The following FOXP1 variants were observed in gnomAD, a reference collection of about 807,000 sequenced individuals.
The protein encoded by FOXP1 is forkhead box protein P1.
Under a neutral mutation model 98.2 loss-of-function variants are expected in FOXP1, and 15 were observed. The observed-to-expected ratio is 0.15, with a 90% CI of 0.10 to 0.24. The LOEUF is 0.24. Ranked by LOEUF, FOXP1 falls within the 10% of genes least tolerant of loss-of-function variation. The pLI is 1.00. For missense variants in FOXP1, 633 were observed against 848.5 expected (o/e 0.75, Z 3.15); for synonymous variants, 371 against 314.5 (o/e 1.18, Z -1.90).
At chr3:71,048,898 C>A (rs140627011) in intron 9 of FOXP1, among the ~76,000 whole-genome samples, 71 of 151,908 alleles carry the variant, frequency 4.7e-4, no homozygotes, top group African/African-American at 1.7e-3. Flanking sequence ...ATGACTGATG[C>A]CTTTTCTGTT....
intron 3 of FOXP1, among the ~76,000 whole-genome samples, chr3:71,481,426 G>A (rs561186202): frequency 6.6e-6 from 1 of 152,030 alleles, no homozygotes; most frequent in Admixed American, 6.5e-5. Context: ...CATATCAAAG[G>A]TTCTACATCT....
intron 5 of FOXP1, among the ~76,000 whole-genome samples, chr3:71,229,266 A>G (rs2066092043): frequency 6.6e-6 from 1 of 152,202 alleles, no homozygotes; most frequent in African/African-American, 2.4e-5. Flanking sequence ...ATTAATTACT[A>G]GTAAGTGTAC....
chr3:71,430,691 A>G (rs2084629082), intron 3 of FOXP1, among the ~76,000 whole-genome samples: 1 of 152,214 alleles, frequency 6.6e-6, no homozygotes, highest in Non-Finnish European at 1.5e-5. Flanking sequence ...ACTTATCCCT[A>G]AAAGAGGAAA....
chr3:71,186,456 T>C (rs1478928339), intron 6 of FOXP1, among the ~76,000 whole-genome samples: 1 of 152,228 alleles, frequency 6.6e-6, no homozygotes, highest in Non-Finnish European at 1.5e-5. Flanking sequence ...CTCACGCCTG[T>C]AATCCCAGCA....
At chr3:71,292,641 G>T (rs2072881579) in intron 5 of FOXP1, 1 of 152,104 alleles carries the variant, frequency 6.6e-6, no homozygotes, top group Admixed American at 6.6e-5. Flanking sequence ...GGCCTAAAAG[G>T]TAATTTTAAA....
chr3:71,227,273 G>A (rs2065916479), intron 5 of FOXP1, among the ~76,000 whole-genome samples: 1 of 152,022 alleles, frequency 6.6e-6, no homozygotes, highest in African/African-American at 2.4e-5. Context: ...AACACAAATA[G>A]CGTTTACGTG....
intron 6 of FOXP1, among the ~76,000 whole-genome samples, chr3:71,157,534 T>C (rs891481109): frequency 1.3e-5 from 2 of 152,174 alleles, no homozygotes; most frequent in Non-Finnish European, 1.5e-5. Context: ...GTTGTAGAGA[T>C]TTATATAACT....
intron 2 of FOXP1, among the ~76,000 whole-genome samples, chr3:71,547,783 G>C (rs2045477528): frequency 6.6e-6 from 1 of 152,204 alleles, no homozygotes; most frequent in Non-Finnish European, 1.5e-5. Flanking sequence ...AGAGAGAAGA[G>C]AGGACAGCTG....
At chr3:71,327,201 G>C (rs76314207) in intron 4 of FOXP1, among the ~76,000 whole-genome samples, 57 of 151,496 alleles carry the variant, frequency 3.8e-4, no homozygotes, top group African/African-American at 1.3e-3. Flanking sequence ...CTTGTGAAGG[G>C]AATCATTTGA....
chr3:71,423,785 C>A lies in FOXP1; in HGVS notation c.-167-64541G>T, dbSNP rs532497240. ...TGGCAGGGAAGTGCTATTATGCTCC[C>A]CCGCCGCCCCGCCCATTCTATGTGT... is the stretch of plus-strand genomic sequence containing the variant. On this transcript the variant is annotated intron_variant, in intron 3 of 20. Transcript: ENST00000649528. Among the ~76,000 whole-genome samples, 10 of 152,294 alleles carry A rather than the reference C, an allele frequency of 6.6e-5. No individual in the cohort carries two copies. The South Asian group carries it at 2.1e-3, about 32-fold the overall frequency.
intron 7 of FOXP1, among the ~76,000 whole-genome samples, chr3:71,054,206 A>G (rs1449306975): frequency 1.3e-5 from 2 of 152,238 alleles, no homozygotes; most frequent in East Asian, 1.9e-4. Flanking sequence ...CTCTGTGGAC[A>G]GTGATTTTAA....
At chr3:71,499,325 T>C (rs2041153660) in intron 2 of FOXP1, among the ~76,000 whole-genome samples, 1 of 152,210 alleles carries the variant, frequency 6.6e-6, no homozygotes, top group South Asian at 2.1e-4. Flanking sequence ...TCAGGGACCC[T>C]TATGCAAAAG....
At chr3:71,062,415 T>C (rs570654331) in intron 7 of FOXP1, among the ~76,000 whole-genome samples, 1 of 152,222 alleles carries the variant, frequency 6.6e-6, no homozygotes, top group Non-Finnish European at 1.5e-5. Context: ...AAAAGTTCGC[T>C]AATTTTGTTT....
chr3:71,325,716 C>A (rs1019017809), intron 4 of FOXP1, among the ~76,000 whole-genome samples: 6 of 151,340 alleles, frequency 4.0e-5, no homozygotes, highest in Non-Finnish European at 8.8e-5. Flanking sequence ...CTATGTTGTC[C>A]AGGCTGAAGT....
intron 7 of FOXP1, among the ~76,000 whole-genome samples, chr3:71,095,156 C>T (rs1406853889): frequency 1.3e-5 from 2 of 152,218 alleles, no homozygotes; most frequent in Admixed American, 6.5e-5. Context: ...AAAATTACTG[C>T]TCTCTAAATT....
At chr3:71,179,067 T>C (rs1347060475) in intron 6 of FOXP1, among the ~76,000 whole-genome samples, 1 of 144,878 alleles carries the variant, frequency 6.9e-6, no homozygotes, top group South Asian at 2.2e-4. Context: ...AAGGAAGAAA[T>C]ATACTCATTT....
intron 5 of FOXP1, among the ~76,000 whole-genome samples, chr3:71,274,247 G>T (rs1309530966): frequency 1.3e-5 from 2 of 152,140 alleles, no homozygotes; most frequent in Non-Finnish European, 2.9e-5. Flanking sequence ...TAACTATGTT[G>T]CAAACAGGAA....
chr3:71,324,911 C>T (rs1025255886), intron 4 of FOXP1, among the ~76,000 whole-genome samples: 14 of 152,284 alleles, frequency 9.2e-5, no homozygotes, highest in African/African-American at 3.1e-4. Flanking sequence ...AAAGGCAAGC[C>T]CTAGGCCATG....
At chr3:71,204,147 A>G (rs1349676958) in intron 5 of FOXP1, among the ~76,000 whole-genome samples, 2 of 152,176 alleles carry the variant, frequency 1.3e-5, no homozygotes, top group Admixed American at 6.5e-5. Context: ...GTACTTTTAA[A>G]ATTACTCATG....
Sources: allele counts gnomAD v4.1 joint callset (sites outside exome capture counted in the v4.1 genomes callset), GRCh38; gene constraint gnomAD v4.1.1; transcripts MANE v1.5; gene names NCBI Gene and HGNC (gene_info 2026-07-23, HGNC 2026-07-21).